The following CABLES1 variants were observed in gnomAD, a reference collection of about 807,000 sequenced individuals.
CABLES1 encodes Cdk5 and Abl enzyme substrate 1, also known as CDK5 and ABL1 enzyme substrate 1.
Under a neutral mutation model 57.8 loss-of-function variants are expected in CABLES1, and 36 were observed. The observed-to-expected ratio is 0.62, with a 90% CI of 0.48 to 0.82. The LOEUF is 0.82. Among genes scored for constraint, CABLES1 ranks in the 40% least tolerant of loss-of-function variants. The pLI is 0.00. For synonymous variants in CABLES1, 374 were observed against 363.0 expected (o/e 1.03, Z -0.35); for missense variants, 767 against 836.6 (o/e 0.92, Z 1.03).
chr18:23,135,699 G>A lies in CABLES1; in HGVS notation c.-64G>A, dbSNP rs1449886943. 3.1e-6 allele frequency: 3 copies of A among 982,938 alleles called. No homozygotes were observed. In the African/African-American group the frequency reaches 5.3e-5, roughly 17 times the overall value. The allele number at this position is 982,938 out of a possible 1,614,324, so 60.9% of individuals were successfully genotyped here. A position where few individuals can be genotyped will look rare whatever the true frequency, so the allele number is the denominator to read the frequency against. On this transcript the variant is annotated 5_prime_UTR_variant, in exon 1 of 10. Transcript: ENST00000256925. The stretch of plus-strand genomic sequence containing the variant: ...CGGGTCGCCGCCGCTCGCGCCCGCC[G>A]CTTAGCGCTCGGGCGCCGCTCGCTT...
intron 4 of CABLES1, among the ~76,000 whole-genome samples, chr18:23,223,503 G>A (rs918794330): frequency 3.3e-5 from 5 of 151,504 alleles, no homozygotes; most frequent in Non-Finnish European, 5.9e-5. Flanking sequence ...TCTTGAGCCC[G>A]GGAGGTGGAG....
chr18:23,136,345 C>G lies in CABLES1; in HGVS notation c.583C>G (p.Gln195Glu), dbSNP rs1416891422. ...PAPLAACAQL[Q>E]LLDGSGAAGQ... is the part of the protein sequence containing the mutation. The stretch of plus-strand genomic sequence containing the variant: ...GCCTCTCGCCGCCTGTGCCCAACTG[C>G]AGCTGCTCGACGGGTCCGGGGCCGC... The change falls in exon 1 of 10, where the codon CAG (glutamine) becomes GAG (glutamate). Residue 195 changes from glutamine to glutamate, a missense_variant. Gln to Glu is a conservative substitution (Grantham distance 29). Around this residue, in one of 4 missense-constraint regions of CABLES1, gnomAD observed 529 missense variants for 622.8 expected, o/e 0.85. Transcript: ENST00000256925. The G allele has an allele frequency of 6.8e-7, 1 of 1,466,394 alleles. No homozygotes were observed. Among genetic ancestry groups the G allele is most frequent in the Non-Finnish European group, 9.0e-7 (1 of 1,110,356 alleles). 90.8% of individuals were successfully genotyped at this position (1,466,394 alleles called of 1,614,324 possible).
Position 23,155,693 on chromosome 18 carries a change from CTCATGTGG to C in CABLES1, c.845+19089_845+19096del, listed in dbSNP as rs2046960735. On this transcript the variant is annotated intron_variant, in intron 1 of 9. Coordinates refer to ENST00000256925, the MANE Select transcript of CABLES1 (RefSeq NM_001100619.3). ...GTATTTCTGTCTGGGGCGGCAGGAC[CTCATGTGG>C]TCTCCACGTGGCAGGATCCTAGAAT... 7.2e-6 allele frequency: 5 copies of C among 697,778 alleles called. No homozygotes were observed. The South Asian group carries it at 1.1e-4, about 15-fold the overall frequency. 43.2% of individuals were successfully genotyped at this position (697,778 alleles called of 1,614,324 possible).
At chr18:23,221,733 A>G (rs1168779818) in intron 4 of CABLES1, among the ~76,000 whole-genome samples, 2 of 152,208 alleles carry the variant, frequency 1.3e-5, no homozygotes, top group Non-Finnish European at 2.9e-5. Flanking sequence ...CACTTAGCAG[A>G]ACCTAGGCCC....
At chr18:23,191,688 TTTTAA>T (rs1265712774) in intron 2 of CABLES1, among the ~76,000 whole-genome samples, 1 of 152,122 alleles carries the variant, frequency 6.6e-6, no homozygotes, top group Non-Finnish European at 1.5e-5. Context: ...TTAAATTAGT[TTTTAA>T]TTTAATTCTA....
chr18:23,256,666 G>C (rs571444183), intron 9 of CABLES1, among the ~76,000 whole-genome samples: 1 of 152,080 alleles, frequency 6.6e-6, no homozygotes, highest in South Asian at 2.1e-4. Flanking sequence ...ATTTTTAGTA[G>C]AGACGACAGG....
intron 3 of CABLES1, among the ~76,000 whole-genome samples, chr18:23,207,559 A>G (rs1312762090): frequency 6.6e-6 from 1 of 152,062 alleles, no homozygotes; most frequent in African/African-American, 2.4e-5. Flanking sequence ...GAGAACTTAC[A>G]CCTCTGCATG....
intron 5 of CABLES1, among the ~76,000 whole-genome samples, chr18:23,235,191 T>G (rs540582250): frequency 6.6e-6 from 1 of 152,168 alleles, no homozygotes; most frequent in East Asian, 1.9e-4. Flanking sequence ...GAGTGAAAGG[T>G]TGAAAGATGA....
intron 9 of CABLES1, among the ~76,000 whole-genome samples, chr18:23,254,343 G>T (rs17186875): frequency 0.17 from 26,454 of 152,188 alleles, 2,983 homozygotes; most frequent in Admixed American, 0.33. Flanking sequence ...GGGGAAAGGC[G>T]TGAGTTTGAC....
intron 1 of CABLES1, among the ~76,000 whole-genome samples, chr18:23,156,406 T>A (rs183623021): frequency 1.8e-4 from 27 of 152,312 alleles, no homozygotes; most frequent in Non-Finnish European, 2.6e-4. Flanking sequence ...GCACCAAGAT[T>A]GTGTGTTTCC....
intron 4 of CABLES1, among the ~76,000 whole-genome samples, chr18:23,228,118 G>GTAA (rs2047541424): frequency 6.6e-6 from 1 of 152,118 alleles, no homozygotes; most frequent in Non-Finnish European, 1.5e-5. Context: ...TTTTAAGAGA[G>GTAA]TAATATTAAT....
intron 4 of CABLES1, among the ~76,000 whole-genome samples, chr18:23,230,168 C>T (rs747462240): frequency 6.6e-6 from 1 of 152,194 alleles, no homozygotes; most frequent in South Asian, 2.1e-4. Flanking sequence ...GTCAGGAGAT[C>T]GAGACCATCC....
intron 3 of CABLES1, among the ~76,000 whole-genome samples, chr18:23,199,195 G>T (rs1284972844): frequency 1.3e-5 from 2 of 152,216 alleles, no homozygotes; most frequent in Non-Finnish European, 2.9e-5. Flanking sequence ...GAACTCGATT[G>T]TTAAAAAGAA....
At chr18:23,171,817 G>A (rs367605263) in intron 1 of CABLES1, among the ~76,000 whole-genome samples, 5 of 152,292 alleles carry the variant, frequency 3.3e-5, no homozygotes, top group African/African-American at 1.2e-4. Flanking sequence ...TGCCAAACCA[G>A]GCAGCTCAGA....
Position 23,159,835 on chromosome 18 carries a change from T to G in CABLES1, c.845+23228T>G, listed in dbSNP as rs536716485. Reference sequence around the variant, plus strand: ...GTTGTGTATTTTTTCCCATTTCATCTAAAGATAAAAATTTAGGTAGAGAAA... The same window carrying G: ...GTTGTGTATTTTTTCCCATTTCATCGAAAGATAAAAATTTAGGTAGAGAAA... On this transcript the variant is annotated intron_variant, in intron 1 of 9. Transcript: ENST00000256925. Among the ~76,000 whole-genome samples the G allele has an allele frequency of 5.9e-5, 9 of 152,266 alleles. No individual in the cohort carries two copies. The East Asian group carries it at 1.5e-3, about 26-fold the overall frequency.
intron 1 of CABLES1, among the ~76,000 whole-genome samples, 166 bp from the exon 2 acceptor site, chr18:23,188,672 C>T (rs2047220136): frequency 6.6e-6 from 1 of 152,142 alleles, no homozygotes; most frequent in African/African-American, 2.4e-5. Context: ...CAAGATGGGC[C>T]TGGCGTGCAG....
At position 23,136,367 on chromosome 18, in the gene CABLES1, C is replaced by T. The variant is rs1292311598; in HGVS notation, c.605C>T (p.Ala202Val). 6.6e-7 allele frequency: 1 copy of T among 1,519,964 alleles called. No homozygotes were observed. Among genetic ancestry groups the T allele is most frequent in the Non-Finnish European group, 8.8e-7 (1 of 1,135,636 alleles). 94.2% of individuals were successfully genotyped at this position (1,519,964 alleles called of 1,614,324 possible). The change falls in exon 1 of 10, where the codon GCC (alanine) becomes GTC (valine). Residue 202 changes from alanine to valine, a missense_variant. Around this residue, in one of 4 missense-constraint regions of CABLES1, gnomAD observed 529 missense variants for 622.8 expected, o/e 0.85. Transcript: ENST00000256925. ...AQLQLLDGSGAAGQEELEEDD... is the reference protein window; with the variant it reads ...AQLQLLDGSGVAGQEELEEDD... ...CTGCAGCTGCTCGACGGGTCCGGGG[C>T]CGCCGGGCAGGAGGAGTTGGAGGAG...
At chr18:23,253,452 C>T (rs2048088633) in intron 8 of CABLES1, among the ~76,000 whole-genome samples, 2 of 152,196 alleles carry the variant, frequency 1.3e-5, no homozygotes, top group Admixed American at 1.3e-4. Context: ...CACTGCACTC[C>T]AGCCTGGAAA....
intron 3 of CABLES1, among the ~76,000 whole-genome samples, chr18:23,200,421 A>G (rs551127567): frequency 8.4e-4 from 128 of 152,156 alleles, no homozygotes; most frequent in East Asian, 7.0e-3. Flanking sequence ...CACCATGCCC[A>G]GCTAATTTTT....
Sources: allele counts gnomAD v4.1 joint callset (sites outside exome capture counted in the v4.1 genomes callset), GRCh38; gene constraint gnomAD v4.1.1; regional missense constraint gnomAD v4.1.1; transcripts MANE v1.5; gene names NCBI Gene and HGNC (gene_info 2026-07-23, HGNC 2026-07-21).